The following CHCHD6 variants were observed in gnomAD, a reference collection of about 807,000 sequenced individuals.
CHCHD6 encodes MICOS complex subunit MIC25.
In CHCHD6, 28 loss-of-function variants were observed where a neutral mutation model predicts 32.3. The observed-to-expected ratio is 0.87, with a 90% CI of 0.64 to 1.19. The LOEUF is 1.19. Ranked by LOEUF, CHCHD6 falls within the 50% of genes most tolerant of loss-of-function variation. CHCHD6 has a pLI of 0.00. For synonymous variants in CHCHD6, 122 were observed against 117.5 expected, an observed-to-expected ratio of 1.04 and a Z score of -0.25; for missense variants, 333 against 307.0, an observed-to-expected ratio of 1.08 and a Z score of -0.63.
At chr3:126,741,961 T>G (rs922570902) in intron 4 of CHCHD6, among the ~76,000 whole-genome samples, 3 of 152,168 alleles carry the variant, frequency 2.0e-5, no homozygotes, top group African/African-American at 7.2e-5. Flanking sequence ...AGCTCCTGCC[T>G]AGATGAATAG....
At chr3:126,926,339 T>C (rs1486172583) in intron 6 of CHCHD6, among the ~76,000 whole-genome samples, 1 of 152,206 alleles carries the variant, frequency 6.6e-6, no homozygotes, top group East Asian at 1.9e-4. Flanking sequence ...CAGGGTCCAA[T>C]ACTTATGAAC....
At chr3:126,825,364 G>A (rs967453039) in intron 4 of CHCHD6, among the ~76,000 whole-genome samples, 4 of 152,142 alleles carry the variant, frequency 2.6e-5, no homozygotes, top group South Asian at 4.2e-4. Flanking sequence ...GTTCCATTGC[G>A]CTTGAAAGTA....
chr3:126,855,934 A>G (rs1336774253), intron 5 of CHCHD6, among the ~76,000 whole-genome samples: 1 of 152,188 alleles, frequency 6.6e-6, no homozygotes, highest in African/African-American at 2.4e-5. Context: ...TGAGCAAGCA[A>G]ACCACTGCTC....
intron 1 of CHCHD6, among the ~76,000 whole-genome samples, chr3:126,725,045 T>G (rs1009072542): frequency 5.3e-5 from 8 of 152,232 alleles, no homozygotes; most frequent in Admixed American, 3.9e-4. Context: ...CTATTAATAT[T>G]GATTTTTTGA....
In CHCHD6 at chr3:126,733,863, A is replaced by G. The variant is rs372065368; in HGVS notation, c.411+641A>G. 5.3e-5 allele frequency among the ~76,000 whole-genome samples: 8 copies of G among 152,278 alleles called. No homozygotes were observed. In the South Asian group the frequency reaches 1.7e-3, roughly 32 times the overall value. On this transcript the variant is annotated intron_variant, in intron 4 of 7. Transcript: ENST00000290913. ...GCAGCATTTATTTTGCAACATGAGA[A>G]GTCTCAAGTGCCCCCAGGGTTGACT... is the stretch of plus-strand genomic sequence containing the variant.
chr3:126,947,078 G>A (rs867622981), intron 6 of CHCHD6, among the ~76,000 whole-genome samples: 1 of 152,256 alleles, frequency 6.6e-6, no homozygotes, highest in Admixed American at 6.5e-5. Flanking sequence ...AGGGCCTGGC[G>A]TCTGGTCCCG....
chr3:126,951,475 A>T (rs1336482495), intron 6 of CHCHD6, among the ~76,000 whole-genome samples: 1 of 152,192 alleles, frequency 6.6e-6, no homozygotes, highest in Non-Finnish European at 1.5e-5. Context: ...GCTCAGAGGC[A>T]TGTCATGAGT....
intron 5 of CHCHD6, among the ~76,000 whole-genome samples, chr3:126,903,721 G>A (rs1459449531): frequency 6.6e-6 from 1 of 152,194 alleles, no homozygotes; most frequent in Non-Finnish European, 1.5e-5. Flanking sequence ...CCCACACCCT[G>A]CCAGTGGAGT....
chr3:126,838,975 A>G (rs1940966853), intron 4 of CHCHD6, among the ~76,000 whole-genome samples: 2 of 146,478 alleles, frequency 1.4e-5, no homozygotes, highest in Admixed American at 7.0e-5. Context: ...TGTGGCTTCC[A>G]TCTCCTGGGC....
chr3:126,859,693 A>T (rs1941790085), intron 5 of CHCHD6, among the ~76,000 whole-genome samples: 1 of 152,214 alleles, frequency 6.6e-6, no homozygotes, highest in Non-Finnish European at 1.5e-5. Context: ...AGTAGCTGTC[A>T]GAAGCCATGC....
intron 4 of CHCHD6, among the ~76,000 whole-genome samples, chr3:126,792,345 A>G (rs1271713912): frequency 1.3e-5 from 2 of 151,504 alleles, no homozygotes; most frequent in South Asian, 2.1e-4. Flanking sequence ...CTTTTGAGAA[A>G]ACACCAAACT....
chr3:126,892,553 C>G (rs2077777738), intron 5 of CHCHD6, among the ~76,000 whole-genome samples: 1 of 152,146 alleles, frequency 6.6e-6, no homozygotes, highest in South Asian at 2.1e-4. Flanking sequence ...CTGCGTGGTT[C>G]TTCTTCTGCC....
intron 6 of CHCHD6, among the ~76,000 whole-genome samples, chr3:126,952,163 G>A (rs533856963): frequency 4.5e-4 from 68 of 152,280 alleles, no homozygotes; most frequent in African/African-American, 1.5e-3. Flanking sequence ...AGAGAGGACC[G>A]TTGGGAGGCT....
chr3:126,746,073 G>A (rs1324178422), intron 4 of CHCHD6, among the ~76,000 whole-genome samples: 1 of 152,204 alleles, frequency 6.6e-6, no homozygotes, highest in African/African-American at 2.4e-5. Context: ...TGGGCAGGGT[G>A]GCTTAGGGGT....
At chr3:126,944,965 A>G (rs2078614008) in intron 6 of CHCHD6, among the ~76,000 whole-genome samples, 1 of 152,194 alleles carries the variant, frequency 6.6e-6, no homozygotes, top group Non-Finnish European at 1.5e-5. Flanking sequence ...CCCTGAGGGC[A>G]GGGCAGAGGT....
intron 7 of CHCHD6, 136 bp from the exon 8 acceptor site, chr3:126,960,060 G>A (rs1419734916): frequency 1.9e-5 from 18 of 958,460 alleles, no homozygotes; most frequent in Non-Finnish European, 2.7e-5. Context: ...ACTCACTGAT[G>A]GGTCTCCAGG....
At chr3:126,883,198 C>G (rs1417986277) in intron 5 of CHCHD6, among the ~76,000 whole-genome samples, 4 of 152,166 alleles carry the variant, frequency 2.6e-5, no homozygotes, top group Non-Finnish European at 5.9e-5. Context: ...CTACAGGCCT[C>G]TTCGATTTGT....
chr3:126,744,836 C>T (rs373833773), intron 4 of CHCHD6, among the ~76,000 whole-genome samples: 66 of 152,164 alleles, frequency 4.3e-4, no homozygotes, highest in African/African-American at 1.5e-3. Flanking sequence ...TACCGGCGTG[C>T]ACCACCACAC....
intron 4 of CHCHD6, among the ~76,000 whole-genome samples, chr3:126,786,831 A>C (rs888124783): frequency 9.9e-5 from 15 of 152,106 alleles, no homozygotes; most frequent in African/African-American, 3.6e-4. Context: ...TAGTTTAATT[A>C]GATCCCATTT....
Sources: gnomAD v4.1 joint callset for allele counts (sites outside exome capture counted in the v4.1 genomes callset) on GRCh38, gnomAD v4.1.1 for gene constraint, MANE v1.5 for transcripts, NCBI Gene and HGNC (gene_info 2026-07-23, HGNC 2026-07-21) for gene names.